Variants in DPP6 observed in about 807,000 individuals in gnomAD.
The protein encoded by DPP6 is A-type potassium channel modulatory protein DPP6.
A neutral mutation model predicts 122.6 loss-of-function variants in DPP6; 69 were observed. The observed-to-expected ratio is 0.56, with a 90% CI of 0.46 to 0.69. The LOEUF is 0.69. DPP6 is among the 30% of genes least tolerant of loss of function. DPP6 has a pLI of 0.00. For missense variants in DPP6, 928 were observed against 1,116.9 expected (o/e 0.83, Z 2.41); for synonymous variants, 418 against 433.1 (o/e 0.97, Z 0.43).
intron 1 of DPP6, among the ~76,000 whole-genome samples, chr7:154,180,245 G>C (rs1193355088): frequency 6.6e-6 from 1 of 151,716 alleles, no homozygotes; most frequent in African/African-American, 2.4e-5. Flanking sequence ...CTACTCGGGA[G>C]GCTGAGGCAT....
At position 154,869,727 on chromosome 7, in the gene DPP6, G is replaced by A. The variant is rs1429430383; in HGVS notation, c.1813+1634G>A. Among the ~76,000 whole-genome samples, 2 of 152,210 alleles carry A rather than the reference G, an allele frequency of 1.3e-5. 1 individual carries two copies. The highest frequency in any genetic ancestry group is 4.1e-4 in the South Asian group (2 of 4,824). Reference sequence around the variant, plus strand: ...GTCCGGGCCAAAAACTTCTGGCCCCGCCATTTGGCCACAGGAAGCTATGCT... The same window carrying A: ...GTCCGGGCCAAAAACTTCTGGCCCCACCATTTGGCCACAGGAAGCTATGCT... On this transcript the variant is annotated intron_variant, in intron 18 of 25. Coordinates refer to ENST00000377770, the MANE Select transcript of DPP6 (RefSeq NM_130797.4).
rs116807170 is a variant in DPP6 at position 154,770,484 on chromosome 7, G to C, written c.1038+913G>C. Reference sequence around the variant, plus strand: ...ATATCACCTTATAAAAGAGACCCCAGAGAGACCCCTCTCTGATTCCACCAT... The same window carrying C: ...ATATCACCTTATAAAAGAGACCCCACAGAGACCCCTCTCTGATTCCACCAT... On this transcript the variant is annotated intron_variant, in intron 9 of 25. Transcript: ENST00000377770. Among the ~76,000 whole-genome samples, 432 of 152,246 alleles carry C rather than the reference G, an allele frequency of 2.8e-3. 7 individuals carry two copies. The highest frequency in any genetic ancestry group is 9.5e-3 in the African/African-American group (393 of 41,556).
chr7:154,675,997 T>C, intron 7 of DPP6, among the ~76,000 whole-genome samples: 1 of 152,202 alleles, frequency 6.6e-6, no homozygotes, highest in East Asian at 1.9e-4. Flanking sequence ...ACAGGGCCCA[T>C]GAGGCCAATC....
intron 1 of DPP6, among the ~76,000 whole-genome samples, chr7:154,395,643 T>TA (rs1009394827): frequency 5.1e-4 from 78 of 152,286 alleles, no homozygotes; most frequent in African/African-American, 1.7e-3. Flanking sequence ...AACAGGATTT[T>TA]AAAAAATGGG....
intron 1 of DPP6, among the ~76,000 whole-genome samples, chr7:154,344,200 G>C (rs1810192376): frequency 6.6e-6 from 1 of 152,158 alleles, no homozygotes; most frequent in Non-Finnish European, 1.5e-5. Context: ...ACAATTGTCT[G>C]TTCCCAAGCA....
At chr7:153,761,908 A>G in the DPP6 span, among the ~76,000 whole-genome samples, 1 of 152,210 alleles carries the variant, frequency 6.6e-6, no homozygotes, top group Non-Finnish European at 1.5e-5. Flanking sequence ...TAAAATACCC[A>G]GGGACACTGA....
intron 1 of DPP6, among the ~76,000 whole-genome samples, chr7:154,116,968 A>C (rs1451502313): frequency 6.6e-6 from 1 of 152,114 alleles, no homozygotes; most frequent in Admixed American, 6.6e-5. Flanking sequence ...GGACTCCCCA[A>C]GATCCTCCAG....
chr7:154,177,141 T>C (rs1797845651), intron 1 of DPP6, among the ~76,000 whole-genome samples: 1 of 152,096 alleles, frequency 6.6e-6, no homozygotes, highest in Non-Finnish European at 1.5e-5. Flanking sequence ...GCCAAAATAA[T>C]TTTCTATTCG....
chr7:154,801,281 A>G, intron 12 of DPP6, 74 bp from the exon 13 acceptor site: 1 of 1,539,528 alleles, frequency 6.5e-7, no homozygotes. Flanking sequence ...CTCGGGGTGT[A>G]TTTTATCCTG....
At chr7:154,710,229 G>A (rs560102914) in intron 7 of DPP6, among the ~76,000 whole-genome samples, 57 of 152,330 alleles carry the variant, frequency 3.7e-4, no homozygotes, top group Non-Finnish European at 3.4e-4. Context: ...GCCCCACCAG[G>A]AATGTGCACG....
the DPP6 span, among the ~76,000 whole-genome samples, chr7:153,838,763 A>G: frequency 2.6e-5 from 4 of 152,342 alleles, no homozygotes; most frequent in Non-Finnish European, 5.9e-5. Context: ...AAGTACTGGA[A>G]ATCACATTTG....
At chr7:154,238,063 G>T (rs1318233319) in intron 1 of DPP6, among the ~76,000 whole-genome samples, 4 of 152,180 alleles carry the variant, frequency 2.6e-5, no homozygotes, top group Non-Finnish European at 5.9e-5. Context: ...GGACATCGAA[G>T]ATGTCTAACG....
chr7:154,769,629 C>G, intron 9 of DPP6, 58 bp downstream of exon 9: 1 of 1,477,582 alleles, frequency 6.8e-7, no homozygotes, highest in Non-Finnish European at 9.0e-7. Flanking sequence ...CACCCCAACC[C>G]TGCTCACTCA....
At chr7:154,341,830 CAAG>C (rs1032195887) in intron 1 of DPP6, among the ~76,000 whole-genome samples, 11 of 151,830 alleles carry the variant, frequency 7.2e-5, no homozygotes, top group African/African-American at 2.7e-4. Context: ...TATAATGACG[CAAG>C]AAGAATGGTT....
chr7:154,340,390 T>C (rs1809820724), intron 1 of DPP6, among the ~76,000 whole-genome samples: 1 of 152,186 alleles, frequency 6.6e-6, no homozygotes, highest in African/African-American at 2.4e-5. Context: ...AGGTGTCCAT[T>C]GGGTCCTTGG....
intron 1 of DPP6, among the ~76,000 whole-genome samples, chr7:154,239,818 CA>C (rs146860382): frequency 0.052 from 4,778 of 91,760 alleles, 233 homozygotes; most frequent in African/African-American, 0.14. Flanking sequence ...ACTAAAACTA[CA>C]AAAAAAAAAA....
chr7:154,538,904 C>A lies in DPP6; in HGVS notation c.458-1628C>A, dbSNP rs550329437. Among the ~76,000 whole-genome samples the A allele has an allele frequency of 9.3e-4, 142 of 152,304 alleles. No homozygotes were observed. In the Middle Eastern group the frequency reaches 0.01, roughly 11 times the overall value. On this transcript the variant is annotated intron_variant, in intron 3 of 25. Transcript: ENST00000377770. Reference sequence around the variant, plus strand: ...CCAGGAAAATAAATGAAAACAATTTCACCTAAACATCTGTTAACTTTAGCA... The same window carrying A: ...CCAGGAAAATAAATGAAAACAATTTAACCTAAACATCTGTTAACTTTAGCA...
In DPP6 at chr7:154,209,226, C is replaced by T. The variant is rs562145195; in HGVS notation, c.243+156163C>T. Among the ~76,000 whole-genome samples, 4 of 152,176 alleles carry T rather than the reference C, an allele frequency of 2.6e-5. No individual in the cohort carries two copies. In the East Asian group the frequency reaches 5.8e-4, roughly 22 times the overall value. ...AAGGTTGTCTCAGTCGTGAAAAAAACGTGTGTCATTTCAGCCTATTCAGTG... is the reference window on the plus strand; with the variant it reads ...AAGGTTGTCTCAGTCGTGAAAAAAATGTGTGTCATTTCAGCCTATTCAGTG... On this transcript the variant is annotated intron_variant, in intron 1 of 25. Coordinates refer to ENST00000377770, the MANE Select transcript of DPP6 (RefSeq NM_130797.4).
chr7:154,801,592 C>A, intron 13 of DPP6, 130 bp downstream of exon 13: 1 of 1,315,460 alleles, frequency 7.6e-7, no homozygotes, highest in Non-Finnish European at 1.0e-6. Flanking sequence ...TTCCCGAAGG[C>A]AGGGCAGGGC....
Sources: gnomAD v4.1 joint callset for allele counts (sites outside exome capture counted in the v4.1 genomes callset) on GRCh38, gnomAD v4.1.1 for gene constraint, MANE v1.5 for transcripts, NCBI Gene and HGNC (gene_info 2026-07-23, HGNC 2026-07-21) for gene names.